Variants in LMAN2 observed in about 807,000 individuals in gnomAD.
LMAN2 encodes the protein vesicular integral-membrane protein VIP36.
Under a neutral mutation model 39.3 loss-of-function variants are expected in LMAN2, and 22 were observed. The observed-to-expected ratio is 0.56, with a 90% confidence interval of 0.40 to 0.80. The LOEUF (loss-of-function observed/expected upper bound fraction) is 0.80, where lower values mean the gene tolerates loss of function less well. LMAN2 is among the 30% of genes least tolerant of loss of function. LMAN2 has a pLI of 0.00. For missense variants in LMAN2, 494 were observed against 505.4 expected, an observed-to-expected ratio of 0.98 and a Z score of 0.22; for synonymous variants, 207 against 207.8, an observed-to-expected ratio of 1.00 and a Z score of 0.03.
chr5:177,345,362 A>G (rs1015296311), intron 2 of LMAN2, among the ~76,000 whole-genome samples: 1 of 148,734 alleles, frequency 6.7e-6, no homozygotes, highest in Non-Finnish European at 1.5e-5. Context: ...AAAAAAAAAA[A>G]GCCACTCTTT....
rs1761729276 is a variant in LMAN2 at position 177,351,632 on chromosome 5, A to G, written c.16T>C (p.Trp6Arg). The change falls in exon 1 of 8, where the codon TGG becomes CGG. Residue 6 changes from tryptophan to arginine, a missense_variant. Transcript: ENST00000303127. The part of the protein sequence containing the change: MAAEG[W>R]IWRWGWGRRC... ...CGGCCCCAGCCCCAACGCCAAATCC[A>G]GCCTTCCGCCGCCATTCTCCTCTCC... 1 of 1,593,422 alleles carries G rather than the reference A, an allele frequency of 6.3e-7. No homozygotes were observed. The highest frequency in any genetic ancestry group is 1.1e-5 in the South Asian group (1 of 89,152).
At chr5:177,347,574 A>G (rs1761654157) in intron 2 of LMAN2, among the ~76,000 whole-genome samples, 1 of 152,128 alleles carries the variant, frequency 6.6e-6, no homozygotes, top group South Asian at 2.1e-4. Flanking sequence ...CCCACAGCAA[A>G]CCCACCTGGG....
chr5:177,351,393 C>T, intron 1 of LMAN2, 59 bp downstream of exon 1: 3 of 1,604,164 alleles, frequency 1.9e-6, no homozygotes, highest in South Asian at 1.1e-5. Flanking sequence ...GCACGCCTTC[C>T]CCTAGCCCTG....
Position 177,331,808 on chromosome 5 carries a change from T to C in LMAN2, c.*278A>G. ...GACCCTCCAGTGTTCAACAGCTGCC[T>C]GCAGGGGCCACAGCCCATCTGTAGA... On this transcript the variant is annotated 3_prime_UTR_variant, in exon 8 of 8. Transcript: ENST00000303127. The C allele has an allele frequency of 3.0e-6, 1 of 332,660 alleles. No homozygotes were observed. Among genetic ancestry groups the C allele is most frequent in the Non-Finnish European group, 5.5e-6 (1 of 180,266 alleles). 20.6% of individuals were successfully genotyped at this position (332,660 alleles called of 1,614,324 possible). A position where few individuals can be genotyped will look rare whatever the true frequency, so the allele number is the denominator to read the frequency against.
At chr5:177,335,733 G>T (rs1026648001) in intron 6 of LMAN2, among the ~76,000 whole-genome samples, 2 of 152,224 alleles carry the variant, frequency 1.3e-5, no homozygotes, top group African/African-American at 4.8e-5. Flanking sequence ...ATGTTCTGGG[G>T]TCTGAGCGGA....
intron 6 of LMAN2, among the ~76,000 whole-genome samples, chr5:177,335,682 T>C (rs1486783032): frequency 6.6e-6 from 1 of 152,142 alleles, no homozygotes; most frequent in Non-Finnish European, 1.5e-5. Flanking sequence ...CAGACCTCTC[T>C]CCTCTGCTGG....
chr5:177,341,088 C>CA (rs1213487072), intron 2 of LMAN2, among the ~76,000 whole-genome samples: 2 of 110,028 alleles, frequency 1.8e-5, no homozygotes, highest in Non-Finnish European at 3.6e-5. Context: ...TTTTGTGAGA[C>CA]AGAGTTTCGC....
At chr5:177,335,679 C>T (rs796702829) in intron 6 of LMAN2, among the ~76,000 whole-genome samples, 23 of 152,334 alleles carry the variant, frequency 1.5e-4, no homozygotes, top group African/African-American at 4.8e-4. Context: ...TACCAGACCT[C>T]TCTCCTCTGC....
In LMAN2 at chr5:177,337,213, T is replaced by C; in HGVS notation, c.713A>G (p.Asn238Ser). ...TDLEDKNEWK[N>S]CIDITGVRLP... ...GCGCACTCCCGTGATGTCAATGCAG[T>C]TCTTCCACTCGTTCTTGTCCTCCAG... Residue 238 changes from asparagine to serine, a missense_variant, in exon 6 of 8, where the codon AAC becomes AGC. By Grantham distance (46) the Asn-to-Ser change is conservative. Transcript: ENST00000303127. This position sits in a 1 kb window ranked among gnomAD's most constrained non-coding sequence, Gnocchi z 8.2. 1 of 1,614,048 alleles carries C rather than the reference T, an allele frequency of 6.2e-7. No individual in the cohort carries two copies. The highest frequency in any genetic ancestry group is 8.5e-7 in the Non-Finnish European group (1 of 1,179,968).
chr5:177,337,744 T>C lies in LMAN2; in HGVS notation c.475A>G (p.Ile159Val), dbSNP rs1276441371. Reference protein sequence around the residue: ...GSKDNFHGLAIFLDTYPNDET... With the variant: ...GSKDNFHGLAVFLDTYPNDET... ...TCATTGGGGTAGGTGTCCAGGAAGATGGCTAAGCCGTGGAAGTTATCTTTG... is the reference window on the plus strand; with the variant it reads ...TCATTGGGGTAGGTGTCCAGGAAGACGGCTAAGCCGTGGAAGTTATCTTTG... The change falls in exon 4 of 8, where the codon ATC becomes GTC. Residue 159 changes from isoleucine to valine, a missense_variant. By Grantham distance (29) the Ile-to-Val change is conservative (BLOSUM62 3). Coordinates refer to ENST00000303127, the MANE Select transcript of LMAN2 (RefSeq NM_006816.3). This position sits in a 1 kb window ranked among gnomAD's most constrained non-coding sequence, Gnocchi z 8.2. The C allele has an allele frequency of 3.1e-6, 5 of 1,613,854 alleles. No homozygotes were observed. Among genetic ancestry groups the C allele is most frequent in the South Asian group, 2.2e-5 (2 of 91,064 alleles).
rs773661715 is a variant in LMAN2, at chr5:177,332,319, G to C, written c.911-73C>G. The C allele has an allele frequency of 5.6e-6, 8 of 1,436,920 alleles. No homozygotes were observed. The highest frequency in any genetic ancestry group is 7.7e-6 in the Non-Finnish European group (8 of 1,042,560). 89.0% of individuals were successfully genotyped at this position (1,436,920 alleles called of 1,614,324 possible). ...ATCAGGGGGCTGCAGGAGGGCAGTG[G>C]GGATGGAACAGGACAGCCGGCCACG... On this transcript the variant is annotated intron_variant, in intron 7 of 7. Coordinates refer to ENST00000303127, the MANE Select transcript of LMAN2 (RefSeq NM_006816.3). This position sits in a 1 kb window ranked among gnomAD's most constrained non-coding sequence, Gnocchi z 6.3.
At chr5:177,333,245 G>A (rs1043048130) in intron 7 of LMAN2, among the ~76,000 whole-genome samples, 1 of 152,206 alleles carries the variant, frequency 6.6e-6, no homozygotes, top group African/African-American at 2.4e-5. Flanking sequence ...TGAGCCCCAG[G>A]GGCAGGGCCT....
At chr5:177,334,537 C>T (rs1003682777) in intron 6 of LMAN2, 134 bp from the exon 7 acceptor site, 42 of 1,193,188 alleles carry the variant, frequency 3.5e-5, no homozygotes, top group African/African-American at 9.3e-5. Context: ...ACTGCCCAGC[C>T]GGCTAGGGCC....
At chr5:177,336,172 C>T (rs893412431) in intron 6 of LMAN2, among the ~76,000 whole-genome samples, 5 of 152,126 alleles carry the variant, frequency 3.3e-5, no homozygotes, top group Non-Finnish European at 7.4e-5. Flanking sequence ...CGACATTCCA[C>T]GAGGGCATCA....
At chr5:177,339,176 A>C (rs4976685) in intron 2 of LMAN2, among the ~76,000 whole-genome samples, 1 of 151,968 alleles carries the variant, frequency 6.6e-6, no homozygotes, top group Non-Finnish European at 1.5e-5. Context: ...CTCTGCCTTC[A>C]GTACTTCCCG....
chr5:177,338,780 C>T (rs1294440469), intron 2 of LMAN2, among the ~76,000 whole-genome samples, 175 bp from the exon 3 acceptor site: 1 of 152,238 alleles, frequency 6.6e-6, no homozygotes, highest in Non-Finnish European at 1.5e-5. Flanking sequence ...AATGTTCTGG[C>T]CGTGAAGGGA....
At chr5:177,334,543 G>A in intron 6 of LMAN2, 140 bp from the exon 7 acceptor site, 7 of 1,181,110 alleles carry the variant, frequency 5.9e-6, no homozygotes, top group Non-Finnish European at 8.0e-6. Context: ...CAGCCGGCTA[G>A]GGCCTGTTTT....
rs1761717344 is a variant in LMAN2, at chr5:177,351,197, T to C, written c.291A>G (p.Lys97=). 5 of 1,614,052 alleles carry C rather than the reference T, an allele frequency of 3.1e-6. No homozygotes were observed. In the South Asian group the frequency reaches 3.3e-5, roughly 11 times the overall value. The part of the protein sequence containing the change: ...YVRLTPDERS[K]EGSIWNHQPC... ...CCTGGTGGTTCCAGATAGAGCCCTC[T>C]TTGCTGCGCTCGTCAGGGGTCAGAC... The change falls in exon 2 of 8, where the codon AAA becomes AAG. Residue 97 remains lysine (K), a synonymous_variant. Transcript: ENST00000303127.
intron 2 of LMAN2, among the ~76,000 whole-genome samples, chr5:177,349,198 CCTT>C (rs1290783112): frequency 3.9e-5 from 6 of 152,156 alleles, no homozygotes; most frequent in African/African-American, 1.4e-4. Flanking sequence ...CTGAGCCACT[CCTT>C]CATCTAGACC....
Sources: allele counts gnomAD v4.1 joint callset (sites outside exome capture counted in the v4.1 genomes callset), GRCh38; gene constraint gnomAD v4.1.1; non-coding constraint Gnocchi (gnomAD v3.1); transcripts MANE v1.5; gene names NCBI Gene and HGNC (gene_info 2026-07-23, HGNC 2026-07-21).